Variants in FAAH2 observed in about 807,000 individuals in gnomAD.
FAAH2 encodes the protein fatty-acid amide hydrolase 2.
A neutral mutation model predicts 36.9 loss-of-function variants in FAAH2; 60 were observed. The observed-to-expected ratio is 1.63, with a 90% confidence interval of 1.32 to 2.02. The LOEUF is 2.02. Ranked by LOEUF, FAAH2 falls within the 30% of genes most tolerant of loss-of-function variation. The pLI is 0.00. For missense variants in FAAH2, 689 were observed against 397.5 expected (o/e 1.73, Z -6.23); for synonymous variants, 214 against 143.8 (o/e 1.49, Z -3.49).
At position 57,334,228 on chromosome X, in the gene FAAH2, C is replaced by A. The variant is rs767984547; in HGVS notation, c.622+2421C>A. ...GAGGTTGCAGTGAGCCGAGATCATG[C>A]CACTGCACTCCAGCCTAGGTGACAG... On this transcript the variant is annotated intron_variant, in intron 4 of 10. Transcript: ENST00000374900. Among the ~76,000 whole-genome samples the A allele has an allele frequency of 1.9e-4, 19 of 102,183 alleles. No individual in the cohort carries two copies. The South Asian group carries it at 2.4e-3, about 13-fold the overall frequency. 88.7% of individuals were successfully genotyped at this position (102,183 alleles called of 115,157 possible).
chrX:57,215,110 C>A, the FAAH2 span, among the ~76,000 whole-genome samples: 92 of 77,910 alleles, frequency 1.2e-3, no homozygotes, highest in Middle Eastern at 6.3e-3. Flanking sequence ...AACAAACTTA[C>A]AAAAAAAAAA....
the FAAH2 span, among the ~76,000 whole-genome samples, chrX:57,183,848 C>A: frequency 1.8e-5 from 2 of 111,143 alleles, no homozygotes; most frequent in Non-Finnish European, 3.8e-5. Flanking sequence ...CCATATTTTT[C>A]TTCTTGCAGA....
At chrX:57,208,906 G>A in the FAAH2 span, among the ~76,000 whole-genome samples, 1 of 112,054 alleles carries the variant, frequency 8.9e-6, no homozygotes, top group Non-Finnish European at 1.9e-5. Context: ...GGTGTGCCAT[G>A]TGTTCCTTGC....
At chrX:57,373,810 A>G (rs2054606950) in intron 5 of FAAH2, among the ~76,000 whole-genome samples, 2 of 111,574 alleles carry the variant, frequency 1.8e-5, no homozygotes, top group Non-Finnish European at 3.8e-5. Context: ...AATGTCTAAA[A>G]GGGTCTTTCG....
At chrX:57,291,219 T>C (rs932204674) in intron 1 of FAAH2, among the ~76,000 whole-genome samples, 2 of 112,139 alleles carry the variant, frequency 1.8e-5, no homozygotes, top group Non-Finnish European at 3.8e-5. Context: ...TGTTTACTAC[T>C]GTACTTATAC....
chrX:57,448,581 A>C lies in FAAH2; in HGVS notation c.1286A>C (p.Lys429Thr). Residue 429 changes from lysine (K) to threonine (T), a missense_variant, in exon 10 of 11, where the codon AAG becomes ACG. Coordinates refer to ENST00000374900, the MANE Select transcript of FAAH2 (RefSeq NM_174912.4). ...RYSNEKYQKFKAVEESLRKEL... is the reference protein window; with the variant it reads ...RYSNEKYQKFTAVEESLRKEL... ...AGCAATGAGAAATACCAAAAGTTTAAGGCAGTGGAAGAAAGCCTGCGTAAA... is the reference window on the plus strand; with the variant it reads ...AGCAATGAGAAATACCAAAAGTTTACGGCAGTGGAAGAAAGCCTGCGTAAA... 8.3e-7 allele frequency: 1 copy of C among 1,211,606 alleles called. No individual in the cohort carries two copies. The highest frequency in any genetic ancestry group is 1.1e-6 in the Non-Finnish European group (1 of 895,429).
chrX:57,468,311 C>T (rs892123337), intron 10 of FAAH2, among the ~76,000 whole-genome samples: 4 of 111,465 alleles, frequency 3.6e-5, no homozygotes, highest in Non-Finnish European at 5.6e-5. Flanking sequence ...GCTAAAGGAG[C>T]AAGTTCGAAC....
chrX:57,347,473 G>A (rs2053852520), intron 5 of FAAH2, among the ~76,000 whole-genome samples: 1 of 110,459 alleles, frequency 9.1e-6, no homozygotes. Flanking sequence ...CATTTTAATG[G>A]ATTCCCTGGA....
chrX:57,468,394 G>A (rs2057091987), intron 10 of FAAH2, among the ~76,000 whole-genome samples: 1 of 111,688 alleles, frequency 9.0e-6, no homozygotes, highest in African/African-American at 3.3e-5. Context: ...GTGTAGAGAA[G>A]TCCTTAAATG....
the FAAH2 span, among the ~76,000 whole-genome samples, chrX:57,207,900 G>A: frequency 4.4e-5 from 5 of 112,863 alleles, no homozygotes; most frequent in African/African-American, 1.6e-4. Context: ...CAGGGGTGAG[G>A]GAATGGCCTG....
At chrX:57,251,717 TGA>T in the FAAH2 span, among the ~76,000 whole-genome samples, 4 of 111,554 alleles carry the variant, frequency 3.6e-5, no homozygotes, top group Non-Finnish European at 1.9e-5. Flanking sequence ...AAGAAAATCA[TGA>T]GAGTCGCTTC....
chrX:57,454,124 AAG>A (rs66481848), intron 10 of FAAH2, among the ~76,000 whole-genome samples: 58,270 of 110,286 alleles, frequency 0.53, 13,744 homozygotes, highest in Non-Finnish European at 0.73. Context: ...AGAGCCCTGA[AAG>A]AGAGTAGGAA....
intron 7 of FAAH2, among the ~76,000 whole-genome samples, chrX:57,430,722 C>T (rs908229448): frequency 1.8e-5 from 2 of 111,880 alleles, no homozygotes; most frequent in Non-Finnish European, 3.8e-5. Flanking sequence ...TGCCACTTTT[C>T]CCCTGCCACT....
chrX:57,486,734 G>C (rs1209621425), intron 10 of FAAH2, among the ~76,000 whole-genome samples: 1 of 111,738 alleles, frequency 8.9e-6, no homozygotes, highest in African/African-American at 3.3e-5. Flanking sequence ...AGAAACAAGA[G>C]CCCAGGGGAA....
In FAAH2 at chrX:57,331,692, T is replaced by C. The variant is rs1012497995; in HGVS notation, c.507T>C (p.Ile169=). ...CATTACTGAAGGGAGCTGGTGCCAT[T>C]CCTCTTGGCATAACCAACTGTAGTG... The part of the protein sequence containing the change: ...VVALLKGAGA[I]PLGITNCSEL... Residue 169 remains isoleucine, a synonymous_variant, in exon 4 of 11, where the codon ATT becomes ATC. Coordinates refer to ENST00000374900, the MANE Select transcript of FAAH2 (RefSeq NM_174912.4). 3 of 1,211,286 alleles carry C rather than the reference T, an allele frequency of 2.5e-6. No homozygotes were observed. The highest frequency in any genetic ancestry group is 3.4e-6 in the Non-Finnish European group (3 of 895,143).
chrX:57,159,520 C>G, the FAAH2 span, among the ~76,000 whole-genome samples: 3 of 110,493 alleles, frequency 2.7e-5, no homozygotes, highest in African/African-American at 9.9e-5. Flanking sequence ...TTTCATTGAG[C>G]AGTGGTTTGT....
At chrX:57,254,303 A>G in the FAAH2 span, among the ~76,000 whole-genome samples, 1 of 111,853 alleles carries the variant, frequency 8.9e-6, no homozygotes, top group African/African-American at 3.3e-5. Flanking sequence ...AAAGAGACTT[A>G]GACTCCCACA....
At chrX:57,347,596 G>T (rs2053856084) in intron 5 of FAAH2, among the ~76,000 whole-genome samples, 1 of 82,397 alleles carries the variant, frequency 1.2e-5, no homozygotes, top group African/African-American at 4.2e-5. Flanking sequence ...GAGGTAAGGG[G>T]ATGCTAAGTT....
At position 57,349,271 on chromosome X, in the gene FAAH2, A is replaced by G. The variant is rs1460480023; in HGVS notation, c.742+7881A>G. ...TATCTGTGTGTATATATGTATATAC[A>G]TATATACATATATACATATATACAC... is the stretch of plus-strand genomic sequence containing the variant. On this transcript the variant is annotated intron_variant, in intron 5 of 10. Transcript: ENST00000374900. Among the ~76,000 whole-genome samples, 323 of 94,864 alleles carry G rather than the reference A, an allele frequency of 3.4e-3. 2 individuals are homozygous for G. The highest frequency in any genetic ancestry group is 0.01 in the African/African-American group (272 of 26,865). 82.4% of individuals were successfully genotyped at this position (94,864 alleles called of 115,157 possible).
Sources: allele counts gnomAD v4.1 joint callset (sites outside exome capture counted in the v4.1 genomes callset), GRCh38; gene constraint gnomAD v4.1.1; transcripts MANE v1.5; gene names NCBI Gene and HGNC (gene_info 2026-07-23, HGNC 2026-07-21).